The following CFAP47 variants were observed in gnomAD, a reference collection of about 807,000 sequenced individuals.
CFAP47 encodes cilia- and flagella-associated protein 47.
Under a neutral mutation model 148.1 loss-of-function variants are expected in CFAP47, and 29 were observed. The observed-to-expected ratio is 0.20, with a 90% CI of 0.15 to 0.27. The LOEUF (loss-of-function observed/expected upper bound fraction) is 0.27. CFAP47 is among the 10% of genes least tolerant of loss of function. The probability of loss-of-function intolerance (pLI) is 1.00; values close to 1 mark genes in which losing one functional copy is unlikely to be tolerated. For synonymous variants in CFAP47, 664 were observed against 577.3 expected (o/e 1.15, Z -2.15); for missense variants, 1,872 against 1,697.5 (o/e 1.10, Z -1.81).
rs781958783 is a variant in CFAP47, at chrX:36,361,443, A to G, written c.8965A>G (p.Met2989Val). ...TATGATTGAAAAATCTTATGATATTATGGCTAAAAGGATAACATTTATCTT... is the reference window on the plus strand; with the variant it reads ...TATGATTGAAAAATCTTATGATATTGTGGCTAAAAGGATAACATTTATCTT... ...LYMIEKSYDI[M>V]AKRITFIFNL... Residue 2989 changes from methionine to valine, a missense_variant, in exon 61 of 64, where the codon ATG (methionine) becomes GTG (valine). Physicochemically the swap from Met to Val is conservative, Grantham distance 21 (BLOSUM62 1). Coordinates refer to ENST00000378653, the MANE Select transcript of CFAP47 (RefSeq NM_001304548.2). The G allele has an allele frequency of 1.8e-6, 2 of 1,094,071 alleles. No individual in the cohort carries two copies. Among genetic ancestry groups the G allele is most frequent in the Non-Finnish European group, 2.5e-6 (2 of 813,816 alleles). 90.2% of individuals were successfully genotyped at this position (1,094,071 alleles called of 1,213,427 possible). A position where few individuals can be genotyped will look rare whatever the true frequency, so the allele number is the denominator to read the frequency against.
At chrX:36,229,172 T>C (rs1940306874) in intron 46 of CFAP47, among the ~76,000 whole-genome samples, 2 of 111,979 alleles carry the variant, frequency 1.8e-5, no homozygotes, top group South Asian at 7.4e-4. Flanking sequence ...TCATAGGCAC[T>C]GAGAACAATG....
Position 36,280,639 on chromosome X carries a change from A to C in CFAP47, c.7588+9A>C. 1 of 464,190 alleles carries C rather than the reference A, an allele frequency of 2.2e-6. No individual in the cohort carries two copies. Among genetic ancestry groups the C allele is most frequent in the South Asian group, 3.3e-5 (1 of 30,381 alleles). The allele number at this position is 464,190 out of a possible 1,213,427, so 38.3% of individuals were successfully genotyped here. A position where few individuals can be genotyped will look rare whatever the true frequency, so the allele number is the denominator to read the frequency against. The stretch of plus-strand genomic sequence containing the variant: ...GGATGATGCAGACACATGTAAGTTT[A>C]TTATGACAGAGTTTCACTATTAGTT... On this transcript the variant is annotated intron_variant, in intron 50 of 63. Transcript: ENST00000378653.
intron 39 of CFAP47, among the ~76,000 whole-genome samples, chrX:36,166,467 CT>C (rs1939491172): frequency 9.0e-6 from 1 of 110,823 alleles, no homozygotes; most frequent in Non-Finnish European, 1.9e-5. Flanking sequence ...ATTTCAATTT[CT>C]TTGTTGATAT....
At chrX:36,212,783 A>G (rs1602049710) in intron 45 of CFAP47, among the ~76,000 whole-genome samples, 1 of 111,476 alleles carries the variant, frequency 9.0e-6, no homozygotes, top group South Asian at 3.7e-4. Flanking sequence ...ACAAGCCTCC[A>G]TTGATCATCC....
rs1289659604 is a variant in CFAP47 at position 35,971,660 on chromosome X, C to T, written c.2045C>T (p.Ser682Leu). 8.3e-7 allele frequency: 1 copy of T among 1,205,714 alleles called. No individual in the cohort carries two copies. Among genetic ancestry groups the T allele is most frequent in the African/African-American group, 1.8e-5 (1 of 56,936 alleles). ...PGSGLKSPSL[S>L]EAEIEEELSS... Reference sequence around the variant, plus strand: ...TCAGGTCTAAAGTCACCCTCACTCTCAGAAGCGGAAATAGAAGAGGAGCTG... The same window carrying T: ...TCAGGTCTAAAGTCACCCTCACTCTTAGAAGCGGAAATAGAAGAGGAGCTG... Residue 682 changes from serine (S) to leucine (L), a missense_variant, in exon 12 of 64, where the codon TCA (serine) becomes TTA (leucine). Physicochemically the swap from Ser to Leu is moderately radical, Grantham distance 145 (BLOSUM62 -2). Coordinates refer to ENST00000378653, the MANE Select transcript of CFAP47 (RefSeq NM_001304548.2).
intron 57 of CFAP47, among the ~76,000 whole-genome samples, chrX:36,344,481 A>G (rs1310217594): frequency 9.0e-6 from 1 of 111,428 alleles, no homozygotes; most frequent in East Asian, 2.8e-4. Context: ...TTCAATAATG[A>G]ACTTCAGTTC....
intron 50 of CFAP47, among the ~76,000 whole-genome samples, chrX:36,281,690 T>C (rs782313443): frequency 2.8e-4 from 31 of 112,476 alleles, no homozygotes; most frequent in African/African-American, 1.0e-3. Flanking sequence ...CACAGGAACA[T>C]CTAGACTAGT....
Position 36,035,941 on chromosome X carries a change from G to T in CFAP47, c.3811+87G>T, listed in dbSNP as rs779380432. ...GTTTTATTATGTATACAGAAATTTA[G>T]ATTATTTGTTATTTCTTTTAATTTG... On this transcript the variant is annotated intron_variant, in intron 24 of 63. Coordinates refer to ENST00000378653, the MANE Select transcript of CFAP47 (RefSeq NM_001304548.2). 394 of 274,233 alleles carry T rather than the reference G, an allele frequency of 1.4e-3. 1 individual carries two copies. Among genetic ancestry groups the T allele is most frequent in the South Asian group, 2.6e-3 (11 of 4,196 alleles). The allele number at this position is 274,233 out of a possible 1,213,427, so 22.6% of individuals were successfully genotyped here. A position where few individuals can be genotyped will look rare whatever the true frequency, so the allele number is the denominator to read the frequency against.
chrX:36,236,235 A>G (rs919167554), intron 47 of CFAP47, among the ~76,000 whole-genome samples, 158 bp downstream of exon 47: 1 of 112,422 alleles, frequency 8.9e-6, no homozygotes, highest in East Asian at 2.8e-4. Context: ...ACTTTAATAC[A>G]TGTTTTAATT....
intron 63 of CFAP47, among the ~76,000 whole-genome samples, chrX:36,382,872 CTTATA>C (rs1331043532): frequency 9.0e-6 from 1 of 110,652 alleles, no homozygotes; most frequent in Non-Finnish European, 1.9e-5. Flanking sequence ...TTAATGTATT[CTTATA>C]TTATTTTAAC....
chrX:36,289,172 G>C (rs1941167798), intron 51 of CFAP47, among the ~76,000 whole-genome samples: 1 of 108,770 alleles, frequency 9.2e-6, no homozygotes, highest in South Asian at 4.1e-4. Flanking sequence ...AGCTAATTTT[G>C]TGTTTTTAGT....
intron 49 of CFAP47, among the ~76,000 whole-genome samples, chrX:36,274,060 T>G (rs1447510265): frequency 1.8e-5 from 2 of 112,042 alleles, no homozygotes; most frequent in Non-Finnish European, 3.8e-5. Context: ...TTTTTATTTT[T>G]TGTGATAGTT....
chrX:36,263,459 T>A (rs1431355119), intron 49 of CFAP47, among the ~76,000 whole-genome samples: 1 of 112,292 alleles, frequency 8.9e-6, no homozygotes, highest in Non-Finnish European at 1.9e-5. Flanking sequence ...AAGTTCTCCA[T>A]TTTTATCCCT....
intron 62 of CFAP47, among the ~76,000 whole-genome samples, chrX:36,374,070 G>T (rs1226361448): frequency 9.1e-6 from 1 of 110,465 alleles, no homozygotes; most frequent in Non-Finnish European, 1.9e-5. Context: ...GGTGATCCTG[G>T]CCTCATAAAA....
chrX:36,179,277 G>A (rs1047554937), intron 39 of CFAP47, 68 bp from the exon 40 acceptor site: 6 of 287,890 alleles, frequency 2.1e-5, no homozygotes, highest in Admixed American at 1.2e-4. Flanking sequence ...AATAAAAGAA[G>A]AATGTTTTGT....
At chrX:36,040,766 A>C (rs1159317043) in intron 25 of CFAP47, among the ~76,000 whole-genome samples, 2 of 111,831 alleles carry the variant, frequency 1.8e-5, no homozygotes, top group Admixed American at 1.9e-4. Context: ...TCTTGAAAAC[A>C]TTCACTGAGG....
intron 57 of CFAP47, among the ~76,000 whole-genome samples, chrX:36,328,816 CAAAAA>C (rs782618340): frequency 1.8e-5 from 1 of 56,463 alleles, no homozygotes; most frequent in Non-Finnish European, 3.3e-5. Flanking sequence ...GACTCTGTCT[CAAAAA>C]AAAAAAAAAA....
intron 49 of CFAP47, among the ~76,000 whole-genome samples, chrX:36,256,055 C>T (rs1222185529): frequency 9.0e-6 from 1 of 111,713 alleles, no homozygotes; most frequent in Non-Finnish European, 1.9e-5. Flanking sequence ...TCTTTTGTAA[C>T]TGTAAAATGA....
intron 51 of CFAP47, among the ~76,000 whole-genome samples, chrX:36,297,560 G>A (rs1302799847): frequency 9.0e-6 from 1 of 111,681 alleles, no homozygotes; most frequent in African/African-American, 3.3e-5. Context: ...TTTTGACGTA[G>A]TGGAGATCAT....
Sources: gnomAD v4.1 joint callset for allele counts (sites outside exome capture counted in the v4.1 genomes callset) on GRCh38, gnomAD v4.1.1 for gene constraint, MANE v1.5 for transcripts, NCBI Gene and HGNC (gene_info 2026-07-23, HGNC 2026-07-21) for gene names.